FANCC: variants seen among roughly 807,000 people sequenced by gnomAD.
The protein encoded by FANCC is Fanconi anemia group C protein.
A neutral mutation model predicts 71.3 loss-of-function variants in FANCC; 55 were observed. That is an observed-to-expected ratio of 0.77 (90% CI 0.62 to 0.97). The LOEUF is 0.97. Ranked by LOEUF, FANCC falls within the 50% of genes least tolerant of loss-of-function variation. The pLI is 0.00. For synonymous variants in FANCC, 275 were observed against 244.9 expected (o/e 1.12, Z -1.15); for missense variants, 678 against 670.9 (o/e 1.01, Z -0.12).
rs774140528 is a variant in FANCC, at chr9:95,150,026, C to G, written c.583G>C (p.Asp195His). ...RVCVPLITLT[D>H]VDPLVEALLI... is the part of the protein sequence containing the mutation. ...AGAGCCTCCACCAGGGGGTCAACAT[C>G]TGTCAGGGTAATAAGTGGGACACAA... Residue 195 changes from aspartate to histidine, a missense_variant, in exon 7 of 15, where the codon GAT (aspartate) becomes CAT (histidine). Physicochemically the swap from Asp to His is moderately conservative, Grantham distance 81. Coordinates refer to ENST00000289081, the MANE Select transcript of FANCC (RefSeq NM_000136.3). 1.2e-6 allele frequency: 2 copies of G among 1,614,060 alleles called. No homozygotes were observed. The highest frequency in any genetic ancestry group is 2.7e-5 in the African/African-American group (2 of 74,934).
At chr9:95,276,492 G>C (rs1171358340) in intron 1 of FANCC, among the ~76,000 whole-genome samples, 1 of 152,094 alleles carries the variant, frequency 6.6e-6, no homozygotes, top group African/African-American at 2.4e-5. Context: ...GCAATCTCAA[G>C]TAACAGCATG....
chr9:95,289,789 T>A (rs1435068377), intron 1 of FANCC, among the ~76,000 whole-genome samples: 3 of 152,134 alleles, frequency 2.0e-5, no homozygotes, highest in Non-Finnish European at 2.9e-5. Flanking sequence ...TGGCTGAGAC[T>A]ATAGGCACAT....
intron 4 of FANCC, among the ~76,000 whole-genome samples, chr9:95,224,108 A>G (rs1403370754): frequency 6.6e-6 from 1 of 152,224 alleles, no homozygotes; most frequent in Admixed American, 6.5e-5. Context: ...ACCACAGATT[A>G]CATATAATAT....
rs12348296 is a variant in FANCC, at chr9:95,192,551, T to C, written c.346-20404A>G. ...GGGAGCTGTTCAACGCAATTACGAA[T>C]GAACAAACTATAGAACACCATTCAA... On this transcript the variant is annotated intron_variant, in intron 4 of 14. Coordinates refer to ENST00000289081, the MANE Select transcript of FANCC (RefSeq NM_000136.3). Among the ~76,000 whole-genome samples, 375 of 152,354 alleles carry C rather than the reference T, an allele frequency of 2.5e-3. 4 individuals are homozygous for C. The highest frequency in any genetic ancestry group is 8.6e-3 in the African/African-American group (358 of 41,574).
chr9:95,252,034 T>C (rs918357365), intron 1 of FANCC, among the ~76,000 whole-genome samples: 3 of 151,780 alleles, frequency 2.0e-5, no homozygotes, highest in Non-Finnish European at 4.4e-5. Flanking sequence ...TCCCAGAACT[T>C]TGGGAGGCCG....
At chr9:95,103,209 G>A (rs1443928836) in intron 14 of FANCC, among the ~76,000 whole-genome samples, 2 of 152,038 alleles carry the variant, frequency 1.3e-5, no homozygotes, top group Non-Finnish European at 2.9e-5. Context: ...AAGAAAGGCC[G>A]AGTTGTCATT....
chr9:95,293,729 G>T, intron 1 of FANCC: 1 of 1,613,504 alleles, frequency 6.2e-7, no homozygotes, highest in South Asian at 1.1e-5. Flanking sequence ...AGACATTTTT[G>T]CCCAGCTCTA....
At chr9:95,155,334 GAA>G (rs1491397645) in intron 6 of FANCC, among the ~76,000 whole-genome samples, 3 of 48,580 alleles carry the variant, frequency 6.2e-5, no homozygotes, top group Admixed American at 3.8e-4. Flanking sequence ...GGGGAGGAAG[GAA>G]GGGAGGAAGG....
At chr9:95,274,376 A>G (rs1239662752) in intron 1 of FANCC, among the ~76,000 whole-genome samples, 2 of 152,192 alleles carry the variant, frequency 1.3e-5, no homozygotes, top group Non-Finnish European at 2.9e-5. Flanking sequence ...ATGGCTATAT[A>G]GTATTCCATG....
At chr9:95,259,034 TA>T (rs1831849217) in intron 1 of FANCC, among the ~76,000 whole-genome samples, 1 of 152,044 alleles carries the variant, frequency 6.6e-6, no homozygotes, top group African/African-American at 2.4e-5. Context: ...CTCAGGGAAA[TA>T]AGAGAGGACA....
At chr9:95,302,346 A>T (rs1834799976) in intron 1 of FANCC, among the ~76,000 whole-genome samples, 1 of 152,154 alleles carries the variant, frequency 6.6e-6, no homozygotes, top group Admixed American at 6.5e-5. Flanking sequence ...TAGTTCATTC[A>T]GTGAGCCAGG....
At chr9:95,308,164 C>T (rs1456236455) in intron 1 of FANCC, among the ~76,000 whole-genome samples, 1 of 152,172 alleles carries the variant, frequency 6.6e-6, no homozygotes. Flanking sequence ...TTTTCAAATA[C>T]TTGTCCTATT....
intron 1 of FANCC, chr9:95,294,900 G>C (rs567695763): frequency 1.1e-5 from 13 of 1,188,106 alleles, no homozygotes; most frequent in Admixed American, 5.4e-5. Context: ...TAATTCGATT[G>C]AATGTGGCTG....
chr9:95,125,832 G>A lies in FANCC; in HGVS notation c.897-647C>T, dbSNP rs553823167. On this transcript the variant is annotated intron_variant, in intron 9 of 14. Transcript: ENST00000289081. The stretch of plus-strand genomic sequence containing the variant: ...GAGGGGCTAGAGAGAGAGCTGATAT[G>A]GGCTCCCCTGGAAGAGGGGCTGGGA... Among the ~76,000 whole-genome samples the A allele has an allele frequency of 3.3e-5, 5 of 152,260 alleles. No homozygotes were observed. The East Asian group carries it at 9.6e-4, about 29-fold the overall frequency.
chr9:95,171,173 T>A (rs2135580469), intron 5 of FANCC, 30 bp from the exon 6 acceptor site: 1 of 1,554,586 alleles, frequency 6.4e-7, no homozygotes, highest in Non-Finnish European at 8.9e-7. Flanking sequence ...GCAGGTTAAC[T>A]CACGCTGCAA....
At chr9:95,291,024 G>A (rs1014530750) in intron 1 of FANCC, among the ~76,000 whole-genome samples, 1 of 152,028 alleles carries the variant, frequency 6.6e-6, no homozygotes, top group Non-Finnish European at 1.5e-5. Context: ...GACAAAATTC[G>A]ACATCTTTCA....
intron 1 of FANCC, among the ~76,000 whole-genome samples, chr9:95,302,199 C>T (rs556674499): frequency 4.6e-5 from 7 of 152,188 alleles, no homozygotes; most frequent in African/African-American, 1.7e-4. Context: ...CCCTTTAATG[C>T]AGAGCCCAGC....
chr9:95,111,139 G>C, intron 13 of FANCC: 1 of 1,534,402 alleles, frequency 6.5e-7, no homozygotes, highest in Non-Finnish European at 8.7e-7. Context: ...CGCCTCTGCA[G>C]GGCACGCCTT....
chr9:95,156,117 GTGT>G (rs566801661), intron 6 of FANCC, among the ~76,000 whole-genome samples: 2 of 152,010 alleles, frequency 1.3e-5, no homozygotes, highest in South Asian at 4.1e-4. Context: ...TTGGTTTTTG[GTGT>G]TGTTGTTGTT....
Sources: gnomAD v4.1 joint callset for allele counts (sites outside exome capture counted in the v4.1 genomes callset) on GRCh38, gnomAD v4.1.1 for gene constraint, MANE v1.5 for transcripts, NCBI Gene and HGNC (gene_info 2026-07-23, HGNC 2026-07-21) for gene names.